Variants in PARD3B observed in about 807,000 individuals in gnomAD.
PARD3B encodes the protein partitioning defective 3 homolog B.
In PARD3B, 103 loss-of-function variants were observed where a neutral mutation model predicts 130.2. That is an observed-to-expected ratio of 0.79 (90% CI 0.67 to 0.93). The LOEUF (loss-of-function observed/expected upper bound fraction) is 0.93, where lower values mean the gene tolerates loss of function less well. PARD3B is among the 40% of genes least tolerant of loss of function. PARD3B has a pLI of 0.00. For synonymous variants in PARD3B, 583 were observed against 553.2 expected (o/e 1.05, Z -0.76); for missense variants, 1,609 against 1,499.2 (o/e 1.07, Z -1.21).
intron 2 of PARD3B, among the ~76,000 whole-genome samples, chr2:204,888,984 A>T (rs1200515830): frequency 6.6e-6 from 1 of 151,190 alleles, no homozygotes; most frequent in Non-Finnish European, 1.5e-5. Flanking sequence ...CAGATGAGGA[A>T]TATTATGTGC....
chr2:204,849,539 AC>A (rs1364126078), intron 2 of PARD3B, among the ~76,000 whole-genome samples: 3 of 152,114 alleles, frequency 2.0e-5, no homozygotes, highest in African/African-American at 7.2e-5. Context: ...TAACTTCTGA[AC>A]CTTTTCATGA....
chr2:205,512,331 T>A (rs1005000067), intron 21 of PARD3B, among the ~76,000 whole-genome samples: 2 of 152,210 alleles, frequency 1.3e-5, no homozygotes, highest in African/African-American at 4.8e-5. Flanking sequence ...TTTACTTTAG[T>A]AAATGATCTA....
intron 16 of PARD3B, among the ~76,000 whole-genome samples, chr2:205,248,511 G>A (rs900873378): frequency 2.0e-5 from 3 of 150,086 alleles, no homozygotes; most frequent in African/African-American, 7.4e-5. Flanking sequence ...AAATTCACCT[G>A]TAGTCTCAGT....
rs2039365411 is a variant in PARD3B, at chr2:205,241,781, G to T, written c.2141-3997G>T. On this transcript the variant is annotated intron_variant, in intron 15 of 22. Coordinates refer to ENST00000406610, the MANE Select transcript of PARD3B (RefSeq NM_001302769.2). This position sits in a 1 kb window ranked among gnomAD's most constrained non-coding sequence, Gnocchi z 4.2. ...TGTAAATAAGTCCTTTGTTTAAAAT[G>T]ACACACCTGTCACATTTCATATCAC... Among the ~76,000 whole-genome samples, 1 of 151,986 alleles carries T rather than the reference G, an allele frequency of 6.6e-6. No homozygotes were observed. The highest frequency in any genetic ancestry group is 6.6e-5 in the Admixed American group (1 of 15,256).
At chr2:205,603,724 AT>A (rs140609006) in intron 22 of PARD3B, among the ~76,000 whole-genome samples, 3,641 of 151,942 alleles carry the variant, frequency 0.024, 139 homozygotes, top group African/African-American at 0.082. Context: ...CCATCCCTTT[AT>A]TTTGAGCCTG....
At chr2:204,973,224 A>C (rs1691857851) in intron 3 of PARD3B, among the ~76,000 whole-genome samples, 1 of 152,180 alleles carries the variant, frequency 6.6e-6, no homozygotes, top group African/African-American at 2.4e-5. Context: ...CAGCCTAATA[A>C]GGTTTAACAT....
intron 2 of PARD3B, among the ~76,000 whole-genome samples, chr2:204,883,285 C>G (rs1413432678): frequency 6.7e-6 from 1 of 150,316 alleles, no homozygotes; most frequent in African/African-American, 2.5e-5. Context: ...TTTTATTTTT[C>G]AAAGTACTGT....
Position 205,323,988 on chromosome 2 carries a change from T to C in PARD3B, c.2630+22287T>C, listed in dbSNP as rs2042849740. ...CCATGCTTTTCCAGGATATCGTCAATGCTGAGGTCTTCTCTCTGCTGTCAC... is the reference window on the plus strand; with the variant it reads ...CCATGCTTTTCCAGGATATCGTCAACGCTGAGGTCTTCTCTCTGCTGTCAC... On this transcript the variant is annotated intron_variant, in intron 18 of 22. Coordinates refer to ENST00000406610, the MANE Select transcript of PARD3B (RefSeq NM_001302769.2). Among the ~76,000 whole-genome samples, 3 of 152,214 alleles carry C rather than the reference T, an allele frequency of 2.0e-5. No homozygotes were observed. In the South Asian group the frequency reaches 6.2e-4, roughly 32 times the overall value.
At chr2:204,654,763 A>AT (rs1242942456) in intron 1 of PARD3B, among the ~76,000 whole-genome samples, 1 of 152,204 alleles carries the variant, frequency 6.6e-6, no homozygotes, top group Non-Finnish European at 1.5e-5. Context: ...ATTTTGAAGC[A>AT]TAATACTCAC....
At chr2:204,972,350 A>G (rs1691785835) in intron 3 of PARD3B, among the ~76,000 whole-genome samples, 1 of 152,182 alleles carries the variant, frequency 6.6e-6, no homozygotes, top group South Asian at 2.1e-4. Context: ...ATGAGATATT[A>G]CTTATTAAAA....
At chr2:204,923,682 C>A (rs1458401422) in intron 2 of PARD3B, among the ~76,000 whole-genome samples, 3 of 152,080 alleles carry the variant, frequency 2.0e-5, no homozygotes. Context: ...ATTATTGTTC[C>A]TATTTCAATT....
At chr2:204,697,479 G>C (rs115493562) in intron 2 of PARD3B, among the ~76,000 whole-genome samples, 3,946 of 152,224 alleles carry the variant, frequency 0.026, 77 homozygotes, top group Middle Eastern at 0.037. Context: ...TCTCAATGAA[G>C]CACATGCTGC....
intron 1 of PARD3B, among the ~76,000 whole-genome samples, chr2:204,582,886 G>C (rs1455504986): frequency 6.6e-6 from 1 of 152,170 alleles, no homozygotes; most frequent in Non-Finnish European, 1.5e-5. Context: ...GGCCAGTGAT[G>C]ATGAGCATTT....
At chr2:205,150,211 C>CTGTGTGTGTGTG (rs71409001) in intron 10 of PARD3B, among the ~76,000 whole-genome samples, 4 of 134,184 alleles carry the variant, frequency 3.0e-5, no homozygotes, top group South Asian at 2.6e-4. Flanking sequence ...CAGCCAGGCT[C>CTGTGTGTGTGTG]TGTGTGTGTG....
intron 4 of PARD3B, among the ~76,000 whole-genome samples, chr2:205,070,586 A>G (rs1700662863): frequency 6.6e-6 from 1 of 152,152 alleles, no homozygotes; most frequent in Non-Finnish European, 1.5e-5. Context: ...TAAGTTAAAC[A>G]TTTTAGCAAT....
chr2:204,701,416 G>A (rs557142351), intron 2 of PARD3B, among the ~76,000 whole-genome samples: 3 of 152,214 alleles, frequency 2.0e-5, no homozygotes, highest in South Asian at 2.1e-4. Flanking sequence ...GCTTACCTAG[G>A]TAGCTGAATA....
Position 205,021,580 on chromosome 2 carries a change from CTCTCTCTCTTCTCT to C in PARD3B, c.395-25991_395-25978del, listed in dbSNP as rs1352404534. Among the ~76,000 whole-genome samples the C allele has an allele frequency of 5.2e-4, 79 of 151,054 alleles. 1 individual carries two copies. Among genetic ancestry groups the C allele is most frequent in the African/African-American group, 1.7e-3 (69 of 41,036 alleles). On this transcript the variant is annotated intron_variant, in intron 3 of 22. Coordinates refer to ENST00000406610, the MANE Select transcript of PARD3B (RefSeq NM_001302769.2). The surrounding 1 kb of genome is among the most constrained non-coding windows in gnomAD (Gnocchi z 4.5). ...TTATTGAGCAACTATATGCTCTCTT[CTCTCTCTCTTCTCT>C]TCTCTCTCTCTCTCTCTCTCTCTCT...
At chr2:205,027,747 G>C (rs1425534638) in intron 3 of PARD3B, among the ~76,000 whole-genome samples, 1 of 152,056 alleles carries the variant, frequency 6.6e-6, no homozygotes, top group Non-Finnish European at 1.5e-5. Context: ...TGTATATGAG[G>C]TAAGATAAGG....
rs1015129284 is a variant in PARD3B at position 205,479,990 on chromosome 2, C to T, written c.3045-19906C>T. ...CAATCTCAGCCCACTGCAACCTCTG[C>T]CTCCCAGGTTCAAGCGATTCTCCTG... On this transcript the variant is annotated intron_variant, in intron 20 of 22. Coordinates refer to ENST00000406610, the MANE Select transcript of PARD3B (RefSeq NM_001302769.2). Among the ~76,000 whole-genome samples the T allele has an allele frequency of 6.0e-5, 9 of 150,590 alleles. No individual in the cohort carries two copies. In the South Asian group the frequency reaches 1.3e-3, roughly 21 times the overall value.
Sources: gnomAD v4.1 joint callset for allele counts (sites outside exome capture counted in the v4.1 genomes callset) on GRCh38, gnomAD v4.1.1 for gene constraint, Gnocchi (gnomAD v3.1) non-coding constraint, MANE v1.5 for transcripts, NCBI Gene and HGNC (gene_info 2026-07-23, HGNC 2026-07-21) for gene names.